The following TMEM177 variants were observed in gnomAD, a reference collection of about 807,000 sequenced individuals.
TMEM177 encodes the protein transmembrane protein 177.
In TMEM177, 4 loss-of-function variants were observed where a neutral mutation model predicts 14.2. That is an observed-to-expected ratio of 0.28 (90% CI 0.14 to 0.64). The LOEUF (loss-of-function observed/expected upper bound fraction) is 0.64, where lower values mean the gene tolerates loss of function less well. Among genes scored for constraint, TMEM177 ranks in the 30% least tolerant of loss-of-function variants. The pLI is 0.82. For missense variants in TMEM177, 344 were observed against 405.2 expected (o/e 0.85, Z 1.30); for synonymous variants, 179 against 174.5 (o/e 1.03, Z -0.20).
chr2:119,699,664 C>A, the TMEM177 span: 1 of 160,310 alleles, frequency 6.2e-6, no homozygotes, highest in Non-Finnish European at 1.4e-5. Context: ...TTCCAGGGAC[C>A]CCCTCCCACC....
the TMEM177 span, among the ~76,000 whole-genome samples, chr2:119,695,201 C>G: frequency 1.3e-5 from 2 of 152,196 alleles, no homozygotes; most frequent in Non-Finnish European, 2.9e-5. Context: ...GGTGACAGCC[C>G]CGGAATGTGG....
At chr2:119,686,721 T>C (rs1232152927), downstream of TMEM177, among the ~76,000 whole-genome samples, 1 of 152,010 alleles carries the variant, frequency 6.6e-6, no homozygotes, top group Non-Finnish European at 1.5e-5. Context: ...TGCACCACCA[T>C]GCCCAGCTAA....
chr2:119,686,813 A>C (rs148702835), downstream of TMEM177, among the ~76,000 whole-genome samples: 2,130 of 152,046 alleles, frequency 0.014, 22 homozygotes, highest in Non-Finnish European at 0.021. Flanking sequence ...AGAGATCCAC[A>C]CACCTCAGCC....
the TMEM177 span, among the ~76,000 whole-genome samples, chr2:119,702,333 G>T: frequency 6.6e-6 from 1 of 152,192 alleles, no homozygotes; most frequent in African/African-American, 2.4e-5. Context: ...AAGTGAAGGG[G>T]TCCCACCATC....
downstream of TMEM177, among the ~76,000 whole-genome samples, chr2:119,687,379 C>G (rs1049946560): frequency 6.6e-6 from 1 of 152,162 alleles, no homozygotes; most frequent in African/African-American, 2.4e-5. Flanking sequence ...AAGAAATACC[C>G]AAAACTGTGT....
At chr2:119,716,748 G>C in the TMEM177 span, among the ~76,000 whole-genome samples, 1 of 152,134 alleles carries the variant, frequency 6.6e-6, no homozygotes, top group South Asian at 2.1e-4. Flanking sequence ...GCAATTATTT[G>C]GGGGTCTCTC....
the TMEM177 span, among the ~76,000 whole-genome samples, chr2:119,703,445 A>G: frequency 1.3e-5 from 2 of 152,216 alleles, no homozygotes; most frequent in Non-Finnish European, 2.9e-5. Context: ...CATCACACTC[A>G]TTGAGCAGGG....
At chr2:119,712,109 C>T in the TMEM177 span, among the ~76,000 whole-genome samples, 4 of 151,872 alleles carry the variant, frequency 2.6e-5, no homozygotes, top group Non-Finnish European at 4.4e-5. Context: ...GAGGCGTTGG[C>T]GTTAAGGCAC....
chr2:119,705,973 G>GCT, the TMEM177 span, among the ~76,000 whole-genome samples: 2,456 of 60,908 alleles, frequency 0.04, 46 homozygotes, highest in African/African-American at 0.082. Context: ...AGGAATTCTG[G>GCT]CTCTCTCTCT....
At chr2:119,692,483 G>A in the TMEM177 span, among the ~76,000 whole-genome samples, 2 of 152,248 alleles carry the variant, frequency 1.3e-5, no homozygotes, top group Non-Finnish European at 2.9e-5. Flanking sequence ...AACCCCTGAC[G>A]AGGTCGGCGC....
chr2:119,681,269 T>G lies in TMEM177; in HGVS notation c.416T>G (p.Leu139Arg). Residue 139 changes from leucine (L) to arginine (R), a missense_variant, in exon 2 of 2, where the codon CTG (leucine) becomes CGG (arginine). Coordinates refer to ENST00000272521, the MANE Select transcript of TMEM177 (RefSeq NM_030577.3). ...TGGCGGAGCCCAGCAGGCGCCCGGC[T>G]GAGAGCTTCCCTGACCTTGTCCCGT... ...VDWRSPAGARLRASLTLSREA... is the reference protein window; with the variant it reads ...VDWRSPAGARRRASLTLSREA... 1 of 1,614,260 alleles carries G rather than the reference T, an allele frequency of 6.2e-7. No homozygotes were observed. Among genetic ancestry groups the G allele is most frequent in the South Asian group, 1.1e-5 (1 of 91,086 alleles).
chr2:119,707,856 G>A, the TMEM177 span, among the ~76,000 whole-genome samples: 9 of 152,200 alleles, frequency 5.9e-5, no homozygotes, highest in South Asian at 4.1e-4. Context: ...CTTGGCCAAC[G>A]GGGAGCACTA....
chr2:119,706,019 A>ATATATTATATATTATATGTT, the TMEM177 span, among the ~76,000 whole-genome samples: 15 of 136,236 alleles, frequency 1.1e-4, no homozygotes, highest in East Asian at 3.1e-3. Context: ...TATTATATAT[A>ATATATTATATATTATATGTT]TTTATATATA....
chr2:119,716,892 C>T, the TMEM177 span, among the ~76,000 whole-genome samples: 235 of 152,184 alleles, frequency 1.5e-3, 1 homozygote, highest in Non-Finnish European at 2.7e-3. Context: ...TCTTCAAGTG[C>T]GTAAGGCATA....
Position 119,681,702 on chromosome 2 carries a change from G to T in TMEM177, c.849G>T (p.Leu283Phe), listed in dbSNP as rs1392751852. 2 of 1,614,178 alleles carry T rather than the reference G, an allele frequency of 1.2e-6. No homozygotes were observed. The highest frequency in any genetic ancestry group is 1.7e-5 in the Admixed American group (1 of 60,030). ...TPSGNIVPRH[L>F]FRIKHLPYTT... ...GCGGGAACATCGTCCCCAGACACTTGTTCCGAATCAAACATTTACCCTACA... is the reference window on the plus strand; with the variant it reads ...GCGGGAACATCGTCCCCAGACACTTTTTCCGAATCAAACATTTACCCTACA... The change falls in exon 2 of 2, where the codon TTG becomes TTT. Residue 283 changes from leucine to phenylalanine, a missense_variant. Leu to Phe is a conservative substitution (Grantham distance 22). Coordinates refer to ENST00000272521, the MANE Select transcript of TMEM177 (RefSeq NM_030577.3).
At chr2:119,697,057 G>C in the TMEM177 span, among the ~76,000 whole-genome samples, 9 of 152,216 alleles carry the variant, frequency 5.9e-5, no homozygotes, top group East Asian at 1.9e-4. Flanking sequence ...CTGACCAGCT[G>C]CAGGCTGGTG....
chr2:119,681,784 T>C lies in TMEM177; in HGVS notation c.931T>C (p.Ser311Pro). The C allele has an allele frequency of 1.9e-6, 3 of 1,611,382 alleles. No individual in the cohort carries two copies. The change falls in exon 2 of 2, where the codon TCC becomes CCC. Residue 311 changes from serine (S) to proline (P), a missense_variant. By Grantham distance (74) the Ser-to-Pro change is moderately conservative. Coordinates refer to ENST00000272521, the MANE Select transcript of TMEM177 (RefSeq NM_030577.3). Reference protein sequence around the residue: ...MWRGMLNPGRS With the variant: ...MWRGMLNPGRP ...GAGGGGGATGCTCAATCCGGGCCGCTCCTGATGGGCTCATCACAAGGACAC... is the reference window on the plus strand; with the variant it reads ...GAGGGGGATGCTCAATCCGGGCCGCCCCTGATGGGCTCATCACAAGGACAC...
chr2:119,718,538 T>G, the TMEM177 span, among the ~76,000 whole-genome samples: 1 of 152,228 alleles, frequency 6.6e-6, no homozygotes. Context: ...GATAATTATT[T>G]GCTACTTTCA....
chr2:119,685,743 G>T, downstream of TMEM177: 1 of 717,954 alleles, frequency 1.4e-6, no homozygotes, highest in South Asian at 1.5e-5. Flanking sequence ...GAAGCTGGCA[G>T]TCTGGTTCCA....
Sources: allele counts gnomAD v4.1 joint callset (sites outside exome capture counted in the v4.1 genomes callset), GRCh38; gene constraint gnomAD v4.1.1; transcripts MANE v1.5; gene names NCBI Gene and HGNC (gene_info 2026-07-23, HGNC 2026-07-21).